NF1: variants seen among roughly 807,000 people sequenced by gnomAD.
The protein encoded by NF1 is neurofibromin 1.
A neutral mutation model predicts 325.7 loss-of-function variants in NF1; 122 were observed. The observed-to-expected ratio is 0.37, with a 90% CI of 0.32 to 0.44. The LOEUF (loss-of-function observed/expected upper bound fraction) is 0.44, where lower values mean the gene tolerates loss of function less well. NF1 is among the 20% of genes least tolerant of loss of function. The pLI is 1.00. For missense variants in NF1, 2,140 were observed against 3,415.4 expected (o/e 0.63, Z 9.31); for synonymous variants, 1,091 against 1,186.0 (o/e 0.92, Z 1.65).
intron 36 of NF1, among the ~76,000 whole-genome samples, chr17:31,292,329 A>G (rs2068359425): frequency 1.3e-5 from 2 of 152,252 alleles, no homozygotes; most frequent in African/African-American, 4.8e-5. Flanking sequence ...TTCTGGAGCC[A>G]GGAATATAGT....
At chr17:31,318,537 C>G (rs2069088126) in intron 36 of NF1, 1 of 1,614,026 alleles carries the variant, frequency 6.2e-7, no homozygotes, top group Admixed American at 1.7e-5. Flanking sequence ...CTTTGTTTGC[C>G]AAAACCACAG....
In NF1 at chr17:31,368,512, C is replaced by T. The variant is rs895658347; in HGVS notation, c.8378-5501C>T. On this transcript the variant is annotated intron_variant, in intron 57 of 57. Transcript: ENST00000358273. ...ATTTCTAAGTATATATTTAATACGC[C>T]TCCATGAATGTATTTACTGTAGCTT... is the stretch of plus-strand genomic sequence containing the variant. 3.9e-5 allele frequency among the ~76,000 whole-genome samples: 6 copies of T among 152,078 alleles called. No homozygotes were observed. The South Asian group carries it at 1.0e-3, about 26-fold the overall frequency.
chr17:31,202,579 C>T (rs905274820), intron 11 of NF1, among the ~76,000 whole-genome samples: 65 of 152,208 alleles, frequency 4.3e-4, no homozygotes, highest in African/African-American at 1.5e-3. Context: ...CATTGCAGGA[C>T]CTTTAAGATC....
At chr17:31,115,621 C>T (rs1452262470) in intron 1 of NF1, among the ~76,000 whole-genome samples, 4 of 152,162 alleles carry the variant, frequency 2.6e-5, no homozygotes, top group Non-Finnish European at 5.9e-5. Context: ...TCTGTTAGAC[C>T]AGCTGCTTCT....
chr17:31,363,277 A>G (rs1300519707), intron 57 of NF1, among the ~76,000 whole-genome samples: 1 of 152,042 alleles, frequency 6.6e-6, no homozygotes, highest in East Asian at 1.9e-4. Context: ...TTACAGGCTC[A>G]TGTTCACAAA....
chr17:31,304,591 G>C lies in NF1; in HGVS notation c.4836-21229G>C, dbSNP rs17884293. ...TTCCAAATCCAGAAGGGGAGGTGGT[G>C]GAGGCAGATCTGCATCATCTGAAGA... On this transcript the variant is annotated intron_variant, in intron 36 of 57. Transcript: ENST00000358273. 586 of 1,614,132 alleles carry C rather than the reference G, an allele frequency of 3.6e-4. 2 individuals carry two copies. In the African/African-American group the frequency reaches 7.0e-3, roughly 19 times the overall value.
intron 29 of NF1, among the ~76,000 whole-genome samples, chr17:31,247,276 T>C (rs1260869845): frequency 6.6e-6 from 1 of 151,408 alleles, no homozygotes; most frequent in African/African-American, 2.4e-5. Flanking sequence ...AGAGATGGCC[T>C]GAATGATGTG....
intron 36 of NF1, among the ~76,000 whole-genome samples, chr17:31,288,522 G>GTTTT (rs200926157): frequency 3.4e-4 from 41 of 119,686 alleles, no homozygotes; most frequent in Non-Finnish European, 5.1e-4. Context: ...TTTTTGCTTT[G>GTTTT]TTTTTTTTTT....
intron 1 of NF1, among the ~76,000 whole-genome samples, chr17:31,100,874 T>G (rs991624874): frequency 6.6e-6 from 1 of 152,190 alleles, no homozygotes; most frequent in Non-Finnish European, 1.5e-5. Flanking sequence ...GGCCCGGAAT[T>G]CATCCTTTAG....
chr17:31,376,050 A>C lies in NF1; in HGVS notation c.*1895A>C, dbSNP rs2070726588. Reference sequence around the variant, plus strand: ...TTATAATGACAGAGCAACTATGACTATATAAAAAAGCTGAAATTAGAACTG... The same window carrying C: ...TTATAATGACAGAGCAACTATGACTCTATAAAAAAGCTGAAATTAGAACTG... On this transcript the variant is annotated 3_prime_UTR_variant, in exon 58 of 58. Transcript: ENST00000358273. The C allele has an allele frequency of 4.3e-6, 1 of 232,904 alleles. No individual in the cohort carries two copies. Among genetic ancestry groups the C allele is most frequent in the East Asian group, 6.1e-5 (1 of 16,504 alleles). 14.4% of individuals were successfully genotyped at this position (232,904 alleles called of 1,614,324 possible).
At chr17:31,231,551 G>A (rs1486326679) in intron 24 of NF1, among the ~76,000 whole-genome samples, 2 of 152,176 alleles carry the variant, frequency 1.3e-5, no homozygotes, top group Non-Finnish European at 1.5e-5. Context: ...CCTGACTTAA[G>A]ATGTCATAGT....
chr17:31,311,407 A>G (rs991726632), intron 36 of NF1, among the ~76,000 whole-genome samples: 2 of 152,318 alleles, frequency 1.3e-5, no homozygotes, highest in African/African-American at 4.8e-5. Flanking sequence ...ACAAGTATAG[A>G]TAGCTGTATC....
Position 31,260,482 on chromosome 17 carries a change from A to G in NF1, c.4544A>G (p.Gln1515Arg), listed in dbSNP as rs1135402865. ...TTACATCGTCTACTCTGGAACAATC[A>G]GGAGAAAATTGGGCAGTATCTTTCC... ...LALHRLLWNNQEKIGQYLSSN... is the reference protein window; with the variant it reads ...LALHRLLWNNREKIGQYLSSN... The change falls in exon 34 of 58, where the codon CAG becomes CGG. Residue 1515 changes from glutamine (Q) to arginine (R), a missense_variant. Physicochemically the swap from Gln to Arg is conservative, Grantham distance 43. Coordinates refer to ENST00000358273, the MANE Select transcript of NF1 (RefSeq NM_001042492.3). The G allele has an allele frequency of 6.2e-7, 1 of 1,614,052 alleles. No individual in the cohort carries two copies. The highest frequency in any genetic ancestry group is 8.5e-7 in the Non-Finnish European group (1 of 1,179,964).
intron 8 of NF1, among the ~76,000 whole-genome samples, chr17:31,192,061 A>G (rs1208577438): frequency 1.3e-5 from 2 of 152,124 alleles, no homozygotes; most frequent in Non-Finnish European, 2.9e-5. Flanking sequence ...TCTTTTGACT[A>G]TAGTATCTTT....
intron 1 of NF1, among the ~76,000 whole-genome samples, chr17:31,151,274 A>G (rs1916924994): frequency 1.3e-5 from 2 of 152,294 alleles, no homozygotes; most frequent in South Asian, 4.1e-4. Flanking sequence ...GGCAGGCTAT[A>G]CTATCTAGGA....
At chr17:31,290,245 C>T (rs1315666610) in intron 36 of NF1, among the ~76,000 whole-genome samples, 1 of 152,050 alleles carries the variant, frequency 6.6e-6, no homozygotes, top group African/African-American at 2.4e-5. Flanking sequence ...AATAGCCTTC[C>T]ACCTGAAGAC....
intron 1 of NF1, among the ~76,000 whole-genome samples, chr17:31,140,053 C>G (rs1205971848): frequency 7.2e-5 from 11 of 152,160 alleles, no homozygotes; most frequent in Non-Finnish European, 1.5e-5. Flanking sequence ...CAAGCATGTA[C>G]TAATTGCCTT....
intron 36 of NF1, chr17:31,321,029 G>T (rs937280041): frequency 2.6e-5 from 4 of 152,154 alleles, no homozygotes; most frequent in African/African-American, 9.7e-5. Flanking sequence ...TAAACAAACT[G>T]TATGACAAAA....
At chr17:31,128,837 G>A (rs568386406) in intron 1 of NF1, among the ~76,000 whole-genome samples, 5 of 152,108 alleles carry the variant, frequency 3.3e-5, no homozygotes, top group African/African-American at 1.2e-4. Context: ...CAGGAGAATG[G>A]CGTAAGTAAA....
Sources: gnomAD v4.1 joint callset for allele counts (sites outside exome capture counted in the v4.1 genomes callset) on GRCh38, gnomAD v4.1.1 for gene constraint, MANE v1.5 for transcripts, NCBI Gene and HGNC (gene_info 2026-07-23, HGNC 2026-07-21) for gene names.